ZC3H7B: variants seen among roughly 807,000 people sequenced by gnomAD.
The protein encoded by ZC3H7B is zinc finger CCCH-type containing 7B, also known as zinc finger CCCH domain-containing protein 7B.
Under a neutral mutation model 116.0 loss-of-function variants are expected in ZC3H7B, and 35 were observed. The observed-to-expected ratio is 0.30, with a 90% confidence interval of 0.23 to 0.40. The LOEUF is 0.40. ZC3H7B is among the 10% of genes least tolerant of loss of function. The probability of loss-of-function intolerance (pLI) is 1.00; values close to 1 mark genes in which losing one functional copy is unlikely to be tolerated. For missense variants in ZC3H7B, 1,011 were observed against 1,321.5 expected, an observed-to-expected ratio of 0.77 and a Z score of 3.64; for synonymous variants, 502 against 545.6, an observed-to-expected ratio of 0.92 and a Z score of 1.11.
intron 4 of ZC3H7B, 137 bp downstream of exon 4, chr22:41,326,055 C>G (rs1325098372): frequency 5.8e-6 from 6 of 1,032,068 alleles, no homozygotes; most frequent in Non-Finnish European, 8.3e-6. Flanking sequence ...ATTTCATTGT[C>G]TGTTCTCGTG....
At chr22:41,308,371 TC>T (rs2036073456) in intron 1 of ZC3H7B, among the ~76,000 whole-genome samples, 1 of 152,146 alleles carries the variant, frequency 6.6e-6, no homozygotes, top group African/African-American at 2.4e-5. Context: ...GTCCTGAGTT[TC>T]ATTCCCAACT....
At chr22:41,321,829 CTTTTTTT>C (rs199611879) in intron 2 of ZC3H7B, among the ~76,000 whole-genome samples, 3 of 90,976 alleles carry the variant, frequency 3.3e-5, no homozygotes, top group African/African-American at 5.7e-5. Context: ...AACTCACATT[CTTTTTTT>C]TTTTTTTTTT....
intron 4 of ZC3H7B, among the ~76,000 whole-genome samples, chr22:41,326,485 C>T (rs2036320673): frequency 6.7e-6 from 1 of 150,266 alleles, no homozygotes; most frequent in Non-Finnish European, 1.5e-5. Context: ...CTGTTCCTCC[C>T]ATAGTCTCAG....
chr22:41,302,210 GC>G lies in ZC3H7B; in HGVS notation c.-7+444del, dbSNP rs1299058133. Among the ~76,000 whole-genome samples, 1 of 151,952 alleles carries G rather than the reference GC, an allele frequency of 6.6e-6. No individual in the cohort carries two copies. Among genetic ancestry groups the G allele is most frequent in the Non-Finnish European group, 1.5e-5 (1 of 67,926 alleles). On this transcript the variant is annotated intron_variant, in intron 1 of 22. Transcript: ENST00000352645. The surrounding 1 kb of genome is among the most constrained non-coding windows in gnomAD (Gnocchi z 5.7). ...GGCTGGCAGGGGCGTCGCTGGCAGG[GC>G]CCCCCTTCCTTTTGTGTTGTCCTTG...
intron 1 of ZC3H7B, among the ~76,000 whole-genome samples, chr22:41,317,268 C>T (rs1016572774): frequency 2.0e-5 from 3 of 152,182 alleles, no homozygotes; most frequent in Non-Finnish European, 4.4e-5. Context: ...CATGAGCCAC[C>T]GTGCCCGGCC....
rs1377383773 is a variant in ZC3H7B at position 41,357,410 on chromosome 22, C to T, written c.2915C>T (p.Thr972Ile). ...CCAGAAGCCCCTGCTGCTGCTGCCACCGCCACCACTGGGGAGTAGGGCCAG... is the reference window on the plus strand; with the variant it reads ...CCAGAAGCCCCTGCTGCTGCTGCCATCGCCACCACTGGGGAGTAGGGCCAG... ...ATPEAPAAAA[T>I]ATTGE Residue 972 changes from threonine (T) to isoleucine (I), a missense_variant, in exon 23 of 23, where the codon ACC becomes ATC. This residue lies in a region of ZC3H7B where 406 missense variants were observed against 590.2 expected (regional missense o/e 0.69). Coordinates refer to ENST00000352645, the MANE Select transcript of ZC3H7B (RefSeq NM_017590.6). This position sits in a 1 kb window ranked among gnomAD's most constrained non-coding sequence, Gnocchi z 5.4. 1.2e-6 allele frequency: 2 copies of T among 1,612,952 alleles called. No individual in the cohort carries two copies. The highest frequency in any genetic ancestry group is 1.7e-6 in the Non-Finnish European group (2 of 1,179,872).
At position 41,327,221 on chromosome 22, in the gene ZC3H7B, G is replaced by A; in HGVS notation, c.301G>A (p.Ala101Thr). ...CYFTMGLYEK[A>T]LEDSEKALGL... ...TCTCTGGCAGGGCCTGTATGAGAAG[G>A]CGCTGGAGGACAGCGAGAAGGCGCT... The change falls in exon 5 of 23, where the codon GCG becomes ACG. Residue 101 changes from alanine to threonine, a missense_variant. By Grantham distance (58) the Ala-to-Thr change is moderately conservative. This residue lies in a region of ZC3H7B where 322 missense variants were observed against 443.9 expected (regional missense o/e 0.73). Transcript: ENST00000352645. This position sits in a 1 kb window ranked among gnomAD's most constrained non-coding sequence, Gnocchi z 4.5. 4 of 1,613,912 alleles carry A rather than the reference G, an allele frequency of 2.5e-6. No homozygotes were observed. The highest frequency in any genetic ancestry group is 3.4e-6 in the Non-Finnish European group (4 of 1,180,022).
rs2036765334 is a variant in ZC3H7B at position 41,359,868 on chromosome 22, C to CG, written c.*2441dup. ...CTGAATCTGGGACCTGTGTTCCCCCCGGCAGGCAGGGACAAGATGGCATGG... is the reference window on the plus strand; with the variant it reads ...CTGAATCTGGGACCTGTGTTCCCCCCGGGCAGGCAGGGACAAGATGGCATGG... On this transcript the variant is annotated 3_prime_UTR_variant, in exon 23 of 23. Coordinates refer to ENST00000352645, the MANE Select transcript of ZC3H7B (RefSeq NM_017590.6). 2 of 106,232 alleles carry CG rather than the reference C, an allele frequency of 1.9e-5. No homozygotes were observed. The highest frequency in any genetic ancestry group is 3.4e-5 in the Non-Finnish European group (2 of 58,678). The allele number at this position is 106,232 out of a possible 1,614,324, so 6.6% of individuals were successfully genotyped here. A position where few individuals can be genotyped will look rare whatever the true frequency, so the allele number is the denominator to read the frequency against.
chr22:41,347,387 C>G (rs1185449907), intron 14 of ZC3H7B, among the ~76,000 whole-genome samples: 1 of 152,246 alleles, frequency 6.6e-6, no homozygotes, highest in Non-Finnish European at 1.5e-5. Flanking sequence ...TTTGCCCTCC[C>G]CACAGGGCGC....
chr22:41,353,002 C>G (rs1395588255), intron 17 of ZC3H7B, among the ~76,000 whole-genome samples: 1 of 151,944 alleles, frequency 6.6e-6, no homozygotes, highest in Non-Finnish European at 1.5e-5. Context: ...ATTACTTGAA[C>G]CCAGGAGGCA....
At position 41,330,076 on chromosome 22, in the gene ZC3H7B, A is replaced by G. The variant is rs201507055; in HGVS notation, c.498A>G (p.Arg166=). 2.1e-4 allele frequency: 331 copies of G among 1,613,936 alleles called. No homozygotes were observed. Among genetic ancestry groups the G allele is most frequent in the Non-Finnish European group, 1.3e-4 (151 of 1,179,992 alleles). ...GQELAQKLGL[R]VRKAYKRPQE... is the part of the protein sequence containing the mutation. Reference sequence around the variant, plus strand: ...AGCTGGCCCAGAAACTGGGGCTGCGAGTTCGCAAGGCGTATAAGAGGCCCC... The same window carrying G: ...AGCTGGCCCAGAAACTGGGGCTGCGGGTTCGCAAGGCGTATAAGAGGCCCC... The change falls in exon 6 of 23, where the codon CGA becomes CGG. Residue 166 remains arginine, a synonymous_variant. Transcript: ENST00000352645.
At chr22:41,328,684 G>A (rs960845060) in intron 5 of ZC3H7B, among the ~76,000 whole-genome samples, 3 of 152,134 alleles carry the variant, frequency 2.0e-5, no homozygotes, top group African/African-American at 7.2e-5. Flanking sequence ...CTGTATTACA[G>A]CCTTGGAAGG....
intron 13 of ZC3H7B, 102 bp downstream of exon 13, chr22:41,343,678 G>C (rs77154238): frequency 2.9e-6 from 4 of 1,402,772 alleles, no homozygotes; most frequent in Non-Finnish European, 3.7e-6. Context: ...ACAGGGGTGG[G>C]CCTCACAGCT....
chr22:41,356,710 C>A lies in ZC3H7B; in HGVS notation c.2583C>A (p.Ile861=), dbSNP rs774120756. ...GCAAGAAGCAGTGGCAGCAGCACAT[C>A]CAGTCCGAGAAGCACAAGGAGAAGG... ...SNSKKQWQQH[I]QSEKHKEKVF... The change falls in exon 22 of 23, where the codon ATC becomes ATA. Residue 861 remains isoleucine (I), a synonymous_variant. Transcript: ENST00000352645. 5 of 1,613,654 alleles carry A rather than the reference C, an allele frequency of 3.1e-6. No individual in the cohort carries two copies. The highest frequency in any genetic ancestry group is 1.7e-4 in the Middle Eastern group (1 of 6,060).
Position 41,357,150 on chromosome 22 carries a change from G to A in ZC3H7B, c.2682-27G>A, listed in dbSNP as rs1462108748. 5.6e-6 allele frequency: 9 copies of A among 1,608,702 alleles called. No individual in the cohort carries two copies. The highest frequency in any genetic ancestry group is 4.5e-5 in the East Asian group (2 of 44,804). On this transcript the variant is annotated intron_variant, in intron 22 of 22. Coordinates refer to ENST00000352645, the MANE Select transcript of ZC3H7B (RefSeq NM_017590.6). This position sits in a 1 kb window ranked among gnomAD's most constrained non-coding sequence, Gnocchi z 5.4. ...CTGGGGTGGGAAGGGCACAGAGCTC[G>A]GGCAGTGAGCCTCCTGCCACCCACA... is the stretch of plus-strand genomic sequence containing the variant.
chr22:41,310,019 C>T (rs1389079675), intron 1 of ZC3H7B, among the ~76,000 whole-genome samples: 1 of 151,898 alleles, frequency 6.6e-6, no homozygotes, highest in Non-Finnish European at 1.5e-5. Flanking sequence ...TCCTGGCTAA[C>T]ACAGTGAAAC....
intron 5 of ZC3H7B, among the ~76,000 whole-genome samples, chr22:41,328,021 G>A (rs1281287709): frequency 6.6e-6 from 1 of 152,132 alleles, no homozygotes; most frequent in East Asian, 1.9e-4. Context: ...CAGCTACTCA[G>A]GAGGCTGAGG....
At chr22:41,352,045 A>G (rs1437577050) in intron 17 of ZC3H7B, among the ~76,000 whole-genome samples, 2 of 152,168 alleles carry the variant, frequency 1.3e-5, no homozygotes, top group African/African-American at 4.8e-5. Context: ...CATCTTGCCC[A>G]GGCTTATCTG....
At chr22:41,307,184 G>A (rs1302187336) in intron 1 of ZC3H7B, among the ~76,000 whole-genome samples, 2 of 151,892 alleles carry the variant, frequency 1.3e-5, no homozygotes, top group South Asian at 2.1e-4. Flanking sequence ...CACCATGTTG[G>A]TCAGACTGGT....
Sources: allele counts gnomAD v4.1 joint callset (sites outside exome capture counted in the v4.1 genomes callset), GRCh38; gene constraint gnomAD v4.1.1; regional missense constraint gnomAD v4.1.1; non-coding constraint Gnocchi (gnomAD v3.1); transcripts MANE v1.5; gene names NCBI Gene and HGNC (gene_info 2026-07-23, HGNC 2026-07-21).